RPS6KC1: variants seen among roughly 807,000 people sequenced by gnomAD.
The protein encoded by RPS6KC1 is inactive ribosomal protein S6 kinase delta-1.
In RPS6KC1, 54 loss-of-function variants were observed where a neutral mutation model predicts 103.8. The ratio of observed to expected loss-of-function variants is 0.52; its 90% CI spans 0.42 to 0.65. The LOEUF is 0.65. RPS6KC1 is among the 30% of genes least tolerant of loss of function. RPS6KC1 has a pLI of 0.00. For missense variants in RPS6KC1, 1,151 were observed against 1,253.8 expected, an observed-to-expected ratio of 0.92 and a Z score of 1.24; for synonymous variants, 439 against 438.7, an observed-to-expected ratio of 1.00 and a Z score of -0.01.
the RPS6KC1 span, among the ~76,000 whole-genome samples, chr1:213,490,164 C>T: frequency 6.6e-6 from 1 of 152,100 alleles, no homozygotes; most frequent in Non-Finnish European, 1.5e-5. Flanking sequence ...TTCTAAAGAC[C>T]CATTGGGTGT....
At chr1:213,638,518 C>T in the RPS6KC1 span, among the ~76,000 whole-genome samples, 2 of 152,016 alleles carry the variant, frequency 1.3e-5, no homozygotes, top group East Asian at 3.9e-4. Flanking sequence ...CTTTTAGTTA[C>T]ATTTTATATA....
chr1:213,177,720 A>G (rs1261736481), intron 8 of RPS6KC1, among the ~76,000 whole-genome samples: 1 of 152,192 alleles, frequency 6.6e-6, no homozygotes, highest in Non-Finnish European at 1.5e-5. Context: ...TGAAGACAAT[A>G]TAGTAATTGA....
At chr1:213,196,982 A>G (rs2092973630) in intron 8 of RPS6KC1, among the ~76,000 whole-genome samples, 1 of 152,012 alleles carries the variant, frequency 6.6e-6, no homozygotes, top group African/African-American at 2.4e-5. Flanking sequence ...GATTACGGGC[A>G]TGTGCCACCA....
the RPS6KC1 span, among the ~76,000 whole-genome samples, chr1:213,645,181 A>T: frequency 2.8e-4 from 42 of 152,284 alleles, no homozygotes; most frequent in Middle Eastern, 3.4e-3. Flanking sequence ...TGATGAGCAC[A>T]GACTGAAGAT....
intron 3 of RPS6KC1, among the ~76,000 whole-genome samples, chr1:213,093,855 A>T (rs558508585): frequency 6.6e-6 from 1 of 152,232 alleles, no homozygotes; most frequent in South Asian, 2.1e-4. Context: ...TGAGTTTACC[A>T]TTCCTCTAAC....
chr1:213,754,298 G>A, the RPS6KC1 span, among the ~76,000 whole-genome samples: 5 of 152,160 alleles, frequency 3.3e-5, no homozygotes, highest in East Asian at 9.6e-4. Flanking sequence ...CTTCCTATAA[G>A]GCCACTAATC....
At chr1:213,689,603 C>G in the RPS6KC1 span, among the ~76,000 whole-genome samples, 1 of 152,176 alleles carries the variant, frequency 6.6e-6, no homozygotes, top group African/African-American at 2.4e-5. Context: ...CTGGGCACAT[C>G]TAATGATGAG....
intron 8 of RPS6KC1, among the ~76,000 whole-genome samples, chr1:213,185,979 A>G (rs1026559579): frequency 2.0e-5 from 3 of 151,620 alleles, no homozygotes; most frequent in South Asian, 4.2e-4. Context: ...AAGAATAGAA[A>G]CAAAGGCAAA....
chr1:213,565,548 A>G, the RPS6KC1 span, among the ~76,000 whole-genome samples: 5 of 152,236 alleles, frequency 3.3e-5, 1 homozygote, highest in East Asian at 9.6e-4. Context: ...CTCTAGCGCA[A>G]TAAAACTAAT....
At chr1:213,308,530 T>A in the RPS6KC1 span, among the ~76,000 whole-genome samples, 1 of 152,182 alleles carries the variant, frequency 6.6e-6, no homozygotes, top group Non-Finnish European at 1.5e-5. Flanking sequence ...TATACAACCA[T>A]ATTTGGCACT....
chr1:213,401,625 C>G, the RPS6KC1 span, among the ~76,000 whole-genome samples: 1 of 152,184 alleles, frequency 6.6e-6, no homozygotes, highest in African/African-American at 2.4e-5. Context: ...CACCGGAACT[C>G]TCTCCAGAGT....
At chr1:213,827,943 T>A in the RPS6KC1 span, among the ~76,000 whole-genome samples, 18 of 152,150 alleles carry the variant, frequency 1.2e-4, no homozygotes, top group Non-Finnish European at 2.2e-4. Context: ...ATCCACAAAA[T>A]GATGAAGGTT....
At chr1:213,504,834 A>C in the RPS6KC1 span, among the ~76,000 whole-genome samples, 1 of 152,178 alleles carries the variant, frequency 6.6e-6, no homozygotes, top group South Asian at 2.1e-4. Context: ...GATCTGCAAA[A>C]ATGAGTATCT....
chr1:213,070,407 G>GT (rs994824201), intron 1 of RPS6KC1, among the ~76,000 whole-genome samples: 5 of 152,090 alleles, frequency 3.3e-5, no homozygotes, highest in African/African-American at 7.2e-5. Flanking sequence ...ACTTTTAGCT[G>GT]TTTTTTTGCT....
rs2094349385 is a variant in RPS6KC1 at position 213,241,407 on chromosome 1, GTT to G, written c.1934_1935del (p.Phe645Ter). ...CCAGATGGAGACAGTGCTTCTAGGA[GTT>G]TTAATACTAGTGAAAGCAAGGTAGA... On this transcript the variant is annotated frameshift_variant, in exon 11 of 15. Transcript: ENST00000366960. LOFTEE classifies it high-confidence loss of function. 1 of 1,613,954 alleles carries G rather than the reference GTT, an allele frequency of 6.2e-7. No individual in the cohort carries two copies. Among genetic ancestry groups the G allele is most frequent in the African/African-American group, 1.3e-5 (1 of 75,038 alleles).
chr1:213,449,644 A>G, the RPS6KC1 span, among the ~76,000 whole-genome samples: 1 of 152,318 alleles, frequency 6.6e-6, no homozygotes, highest in African/African-American at 2.4e-5. Flanking sequence ...TTTGCAGGAC[A>G]CAATTCAGTC....
chr1:213,331,756 G>T, the RPS6KC1 span, among the ~76,000 whole-genome samples: 1 of 152,148 alleles, frequency 6.6e-6, no homozygotes. Flanking sequence ...AGAGGCCAGG[G>T]TCCTTTTGTG....
chr1:213,774,314 C>T, the RPS6KC1 span, among the ~76,000 whole-genome samples: 1 of 152,136 alleles, frequency 6.6e-6, no homozygotes, highest in African/African-American at 2.4e-5. Context: ...GCTCCCAGTC[C>T]TCGGGATTGC....
chr1:213,377,541 T>G, the RPS6KC1 span, among the ~76,000 whole-genome samples: 4 of 152,364 alleles, frequency 2.6e-5, no homozygotes, highest in Non-Finnish European at 5.9e-5. Flanking sequence ...TTATTAGATA[T>G]TCCAGTTCCT....
Sources: allele counts gnomAD v4.1 joint callset (sites outside exome capture counted in the v4.1 genomes callset), GRCh38; gene constraint gnomAD v4.1.1; transcripts MANE v1.5; gene names NCBI Gene and HGNC (gene_info 2026-07-23, HGNC 2026-07-21).